BAIAP2: variants seen among roughly 807,000 people sequenced by gnomAD.
BAIAP2 encodes BAR/IMD domain containing adaptor protein 2.
In BAIAP2, 18 loss-of-function variants were observed where a neutral mutation model predicts 63.0. The ratio of observed to expected loss-of-function variants is 0.29; its 90% CI spans 0.20 to 0.42. The LOEUF is 0.42. Ranked by LOEUF, BAIAP2 falls within the 10% of genes least tolerant of loss-of-function variation. The probability of loss-of-function intolerance (pLI) is 1.00; values close to 1 mark genes in which losing one functional copy is unlikely to be tolerated. For missense variants in BAIAP2, 610 were observed against 734.3 expected (o/e 0.83, Z 1.96); for synonymous variants, 386 against 307.6 (o/e 1.25, Z -2.67).
At chr17:81,073,858 A>G (rs1352765630) in intron 3 of BAIAP2, among the ~76,000 whole-genome samples, 1 of 152,222 alleles carries the variant, frequency 6.6e-6, no homozygotes, top group East Asian at 1.9e-4. Flanking sequence ...AGGAAGGGTG[A>G]GAGTCCTCTG....
Position 81,106,767 on chromosome 17 carries a change from A to G in BAIAP2, c.1360A>G (p.Ser454Gly). Residue 454 changes from serine (S) to glycine (G), a missense_variant, in exon 12 of 14, where the codon AGC becomes GGC. By Grantham distance (56) the Ser-to-Gly change is moderately conservative. This residue lies in a region of BAIAP2 where 11 missense variants were observed against 25.2 expected (regional missense o/e 0.44). Transcript: ENST00000428708. Reference protein sequence around the residue: ...HMSLQQGKSSSTGNLLDKDDL... With the variant: ...HMSLQQGKSSGTGNLLDKDDL... ...CAGCCTGCAGCAAGGGAAGAGCAGC[A>G]GCACGGGCAACCTCCTGGACAAGGA... is the stretch of plus-strand genomic sequence containing the variant. 6.2e-7 allele frequency: 1 copy of G among 1,612,650 alleles called. No individual in the cohort carries two copies. The highest frequency in any genetic ancestry group is 8.5e-7 in the Non-Finnish European group (1 of 1,179,798).
intron 7 of BAIAP2, among the ~76,000 whole-genome samples, chr17:81,101,010 C>T (rs1044194398): frequency 5.3e-5 from 8 of 152,078 alleles, no homozygotes; most frequent in Admixed American, 2.0e-4. Context: ...CTCCTTGGGC[C>T]GGTAGACTCT....
intron 6 of BAIAP2, among the ~76,000 whole-genome samples, chr17:81,096,220 C>T (rs1307015731): frequency 4.6e-5 from 7 of 152,306 alleles, no homozygotes; most frequent in African/African-American, 1.7e-4. Flanking sequence ...TTTTGCCAGG[C>T]GTTGGATCTC....
intron 1 of BAIAP2, among the ~76,000 whole-genome samples, chr17:81,045,486 G>A (rs1366466226): frequency 2.6e-5 from 4 of 152,162 alleles, no homozygotes; most frequent in Non-Finnish European, 5.9e-5. Flanking sequence ...GGCAGCATGA[G>A]GGAAGGAGTC....
At chr17:81,053,557 C>CG in intron 1 of BAIAP2, 111 bp from the exon 2 acceptor site, 1 of 1,121,104 alleles carries the variant, frequency 8.9e-7, no homozygotes, top group South Asian at 1.3e-5. Context: ...TTTGTGGTGT[C>CG]GACCCCCAGG....
At chr17:81,062,579 G>T (rs2050752124) in intron 3 of BAIAP2, among the ~76,000 whole-genome samples, 1 of 152,096 alleles carries the variant, frequency 6.6e-6, no homozygotes. Context: ...GCTCGGCCGT[G>T]CAGAGTCAGC....
intron 10 of BAIAP2, chr17:81,105,046 T>C (rs1418212948): frequency 1.0e-5 from 2 of 193,352 alleles, no homozygotes; most frequent in Non-Finnish European, 2.1e-5. Flanking sequence ...CAGGGGTCTT[T>C]CCCCATGGCA....
chr17:81,047,406 G>C, intron 1 of BAIAP2, among the ~76,000 whole-genome samples: 1 of 152,226 alleles, frequency 6.6e-6, no homozygotes, highest in African/African-American at 2.4e-5. Context: ...GAGGGTCCTA[G>C]CATCGACTCT....
chr17:81,049,885 C>T (rs1476534082), intron 1 of BAIAP2, among the ~76,000 whole-genome samples: 2 of 152,238 alleles, frequency 1.3e-5, no homozygotes, highest in Admixed American at 1.3e-4. Flanking sequence ...GGGCTCTCCT[C>T]AGGCTGGGGA....
At chr17:81,110,279 C>T (rs1341154461) in intron 13 of BAIAP2, 11 of 985,790 alleles carry the variant, frequency 1.1e-5, no homozygotes, top group East Asian at 1.1e-4. Flanking sequence ...AGCTCAAGGG[C>T]GGACCGGGCC....
At position 81,108,951 on chromosome 17, in the gene BAIAP2, T is replaced by C. The variant is rs986113513; in HGVS notation, c.1535+442T>C. ...GCGTCGTGCAGCCAGGCAGCCGTCC[T>C]GTGCTTTGTTTCACAGTGGCAGCGG... On this transcript the variant is annotated intron_variant, in intron 13 of 13. Coordinates refer to ENST00000428708, the MANE Select transcript of BAIAP2 (RefSeq NM_001144888.2). The C allele has an allele frequency of 3.2e-6, 5 of 1,546,994 alleles. No homozygotes were observed. In the African/African-American group the frequency reaches 6.8e-5, roughly 21 times the overall value.
chr17:81,116,368 T>C lies in BAIAP2; in HGVS notation c.*529T>C. The stretch of plus-strand genomic sequence containing the variant: ...GCTACACCTGGAGTGTGGGGCCTGG[T>C]CCCTCCCCATGCCCCTCGGTGGGGC... On this transcript the variant is annotated 3_prime_UTR_variant, in exon 14 of 14. Coordinates refer to ENST00000428708, the MANE Select transcript of BAIAP2 (RefSeq NM_001144888.2). 1.3e-6 allele frequency: 2 copies of C among 1,592,646 alleles called. No individual in the cohort carries two copies. The highest frequency in any genetic ancestry group is 8.6e-7 in the Non-Finnish European group (1 of 1,166,722).
intron 4 of BAIAP2, chr17:81,085,148 C>T (rs2055347260): frequency 3.5e-6 from 2 of 565,800 alleles, no homozygotes; most frequent in African/African-American, 3.8e-5. Flanking sequence ...AGGGAGAGTC[C>T]TGATCGCAGC....
rs374914921 is a variant in BAIAP2 at position 81,042,498 on chromosome 17, T to A, written c.54+7190T>A. ...GTTTTCAGACAACGGCCAGGCCTCC[T>A]GTTCCTTCTTCGGATGGTCCTTATG... On this transcript the variant is annotated intron_variant, in intron 1 of 13. Transcript: ENST00000428708. Among the ~76,000 whole-genome samples, 209 of 152,234 alleles carry A rather than the reference T, an allele frequency of 1.4e-3. 7 individuals are homozygous for A. In the East Asian group the frequency reaches 0.033, roughly 24 times the overall value.
chr17:81,105,017 C>T lies in BAIAP2; in HGVS notation c.1268+302C>T, dbSNP rs1480091954. 1.4e-5 allele frequency: 4 copies of T among 283,064 alleles called. No individual in the cohort carries two copies. The East Asian group carries it at 2.7e-4, about 19-fold the overall frequency. The allele number at this position is 283,064 out of a possible 1,614,324, so 17.5% of individuals were successfully genotyped here. On this transcript the variant is annotated intron_variant, in intron 10 of 13. Transcript: ENST00000428708. ...CAACGGCAGGGATCTCCCCCAATGG[C>T]AGGTATCTCCCCCAATGGCAGGGGT...
chr17:81,090,785 G>GGCTGCCTGGCTGGGATGT (rs145245664), intron 6 of BAIAP2, among the ~76,000 whole-genome samples: 21,233 of 152,140 alleles, frequency 0.14, 1,879 homozygotes, highest in Admixed American at 0.28. Flanking sequence ...AGTGCCATGT[G>GGCTGCCTGGCTGGGATGT]GCTGCCTGGC....
At chr17:81,053,371 C>T in intron 1 of BAIAP2, 1 of 376,874 alleles carries the variant, frequency 2.7e-6, no homozygotes, top group Non-Finnish European at 4.8e-6. Flanking sequence ...CAGTTGTATT[C>T]TGCCTGCTGC....
chr17:81,057,969 T>TGGGGGGGGGGGGGG lies in BAIAP2; in HGVS notation c.217+3_217+4insGGGGGGGGGGGGGG. 1.0e-6 allele frequency: 1 copy of TGGGGGGGGGGGGGG among 964,860 alleles called. No homozygotes were observed. Among genetic ancestry groups the TGGGGGGGGGGGGGG allele is most frequent in the Non-Finnish European group, 1.4e-6 (1 of 713,584 alleles). 59.8% of individuals were successfully genotyped at this position (964,860 alleles called of 1,614,324 possible). A position where few individuals can be genotyped will look rare whatever the true frequency, so the allele number is the denominator to read the frequency against. On this transcript the variant is annotated splice_region_variant and intron_variant, in intron 3 of 13. Transcript: ENST00000428708. ...AGAGCCAGGGCTCCAAAGAACTCGG[T>TGGGGGGGGGGGGGG]GAGACCCCCCCCCCCCCCCCGCCTG...
At chr17:81,085,083 G>A in intron 4 of BAIAP2, 190 bp downstream of exon 4, 1 of 623,468 alleles carries the variant, frequency 1.6e-6, no homozygotes, top group Non-Finnish European at 2.8e-6. Flanking sequence ...GCACAGGCCA[G>A]ACCGCGGCCG....
Sources: allele counts gnomAD v4.1 joint callset (sites outside exome capture counted in the v4.1 genomes callset), GRCh38; gene constraint gnomAD v4.1.1; regional missense constraint gnomAD v4.1.1; transcripts MANE v1.5; gene names NCBI Gene and HGNC (gene_info 2026-07-23, HGNC 2026-07-21).